Variants in RABGAP1L observed in about 807,000 individuals in gnomAD.
RABGAP1L encodes the protein rab GTPase-activating protein 1-like.
Under a neutral mutation model 137.7 loss-of-function variants are expected in RABGAP1L, and 63 were observed. The observed-to-expected ratio is 0.46, with a 90% confidence interval of 0.37 to 0.56. The LOEUF is 0.56. RABGAP1L is among the 20% of genes least tolerant of loss of function. The probability of loss-of-function intolerance (pLI) is 0.00; values close to 1 mark genes in which losing one functional copy is unlikely to be tolerated. For missense variants in RABGAP1L, 1,095 were observed against 1,244.0 expected (o/e 0.88, Z 1.80); for synonymous variants, 431 against 433.7 (o/e 0.99, Z 0.08).
At chr1:174,626,451 C>T (rs998734943) in intron 13 of RABGAP1L, among the ~76,000 whole-genome samples, 1 of 152,190 alleles carries the variant, frequency 6.6e-6, no homozygotes, top group Non-Finnish European at 1.5e-5. Flanking sequence ...CTCTACACGC[C>T]TCCCTTTAGT....
chr1:174,962,444 A>G (rs1669240061), intron 20 of RABGAP1L, among the ~76,000 whole-genome samples: 1 of 152,196 alleles, frequency 6.6e-6, no homozygotes, highest in African/African-American at 2.4e-5. Flanking sequence ...AATTTTTAAA[A>G]TCAAAATGTA....
chr1:174,826,847 A>G lies in RABGAP1L; in HGVS notation c.2340+14887A>G, dbSNP rs181275221. The stretch of plus-strand genomic sequence containing the variant: ...AACAAAAGCCATTCTGACTGGTGTG[A>G]CATGGTATCTCATTGTGGTTTTGAT... On this transcript the variant is annotated intron_variant, in intron 19 of 25. Transcript: ENST00000681986. Among the ~76,000 whole-genome samples the G allele has an allele frequency of 2.0e-5, 3 of 152,282 alleles. No homozygotes were observed. The East Asian group carries it at 5.8e-4, about 29-fold the overall frequency.
chr1:174,971,381 A>C (rs530513298), intron 21 of RABGAP1L, among the ~76,000 whole-genome samples: 16 of 152,192 alleles, frequency 1.1e-4, no homozygotes, highest in African/African-American at 3.6e-4. Context: ...CTGCCATTAT[A>C]GGTATTCCTG....
At chr1:174,780,116 A>AAATAAATAAATTAATT (rs1489806665) in intron 18 of RABGAP1L, among the ~76,000 whole-genome samples, 1 of 145,836 alleles carries the variant, frequency 6.9e-6, no homozygotes, top group African/African-American at 2.6e-5. Context: ...ATAAATAAAT[A>AAATAAATAAATTAATT]AATTAAATAA....
chr1:174,964,823 G>A (rs922279691), intron 20 of RABGAP1L: 19 of 1,396,964 alleles, frequency 1.4e-5, no homozygotes, highest in Non-Finnish European at 1.8e-5. Context: ...AGAGTTATAT[G>A]ACACTCAAAG....
At position 174,291,722 on chromosome 1, in the gene RABGAP1L, G is replaced by A. The variant is rs1000629555; in HGVS notation, c.1323+12943G>A. Among the ~76,000 whole-genome samples the A allele has an allele frequency of 3.3e-5, 5 of 151,758 alleles. No individual in the cohort carries two copies. In the South Asian group the frequency reaches 1.0e-3, roughly 32 times the overall value. ...TTCAAGGAATGTTTCAATTTTATTT[G>A]GTCTATTGCACAAAATATTGACCTA... On this transcript the variant is annotated intron_variant, in intron 10 of 25. Coordinates refer to ENST00000681986, the MANE Select transcript of RABGAP1L (RefSeq NM_001366446.1).
intron 18 of RABGAP1L, among the ~76,000 whole-genome samples, chr1:174,771,387 TC>T (rs1459663385): frequency 1.3e-5 from 2 of 152,188 alleles, no homozygotes; most frequent in Non-Finnish European, 2.9e-5. Context: ...ACCATTTCAG[TC>T]CTTTAATGAG....
intron 13 of RABGAP1L, among the ~76,000 whole-genome samples, chr1:174,526,635 A>G (rs1663897887): frequency 6.6e-6 from 1 of 152,046 alleles, no homozygotes; most frequent in Non-Finnish European, 1.5e-5. Flanking sequence ...GTTATTTATA[A>G]TAGTCTATTA....
intron 13 of RABGAP1L, among the ~76,000 whole-genome samples, chr1:174,547,331 G>A (rs953149487): frequency 4.6e-5 from 7 of 152,012 alleles, no homozygotes; most frequent in African/African-American, 1.7e-4. Flanking sequence ...AAAAGAGCAA[G>A]TAAGCCTGGG....
intron 14 of RABGAP1L, among the ~76,000 whole-genome samples, chr1:174,650,577 C>G (rs898506021): frequency 9.4e-5 from 14 of 148,252 alleles, no homozygotes; most frequent in African/African-American, 2.3e-4. Flanking sequence ...GTGTACGTGT[C>G]GAGGAATTTA....
intron 13 of RABGAP1L, chr1:174,548,004 G>A (rs774837375): frequency 1.3e-6 from 2 of 1,550,476 alleles, no homozygotes; most frequent in Non-Finnish European, 1.7e-6. Flanking sequence ...AGCCTGAATT[G>A]TACAAATATG....
rs867079686 is a variant in RABGAP1L at position 174,350,893 on chromosome 1, G to A, written c.1466-20086G>A. Among the ~76,000 whole-genome samples, 462 of 101,032 alleles carry A rather than the reference G, an allele frequency of 4.6e-3. 5 individuals are homozygous for A. The highest frequency in any genetic ancestry group is 0.017 in the African/African-American group (409 of 23,946). The allele number at this position is 101,032 out of a possible 152,430, so 66.3% of individuals were successfully genotyped here. On this transcript the variant is annotated intron_variant, in intron 11 of 25. Transcript: ENST00000681986. Reference sequence around the variant, plus strand: ...CACTCGCGGTTAGGGGCTGGAGACCGGCCCGGCCAACACAGCGAAACCCCG... The same window carrying A: ...CACTCGCGGTTAGGGGCTGGAGACCAGCCCGGCCAACACAGCGAAACCCCG...
intron 19 of RABGAP1L, among the ~76,000 whole-genome samples, chr1:174,886,035 C>CA (rs1655060031): frequency 7.7e-6 from 1 of 129,592 alleles, no homozygotes; most frequent in Non-Finnish European, 1.6e-5. Context: ...TTTTTTGAGA[C>CA]AGAGTTTTGC....
rs540151476 is a variant in RABGAP1L at position 174,580,772 on chromosome 1, A to C, written c.1711-56603A>C. ...TTGTGCACATATACCCTAAAACTTAAAGTATAGTAAAAAAAAAGATTGAGT... is the reference window on the plus strand; with the variant it reads ...TTGTGCACATATACCCTAAAACTTACAGTATAGTAAAAAAAAAGATTGAGT... On this transcript the variant is annotated intron_variant, in intron 13 of 25. Transcript: ENST00000681986. Among the ~76,000 whole-genome samples, 12 of 151,882 alleles carry C rather than the reference A, an allele frequency of 7.9e-5. 1 individual carries two copies. In the South Asian group the frequency reaches 2.5e-3, roughly 32 times the overall value.
chr1:174,555,821 A>G (rs1666842078), intron 13 of RABGAP1L, among the ~76,000 whole-genome samples: 1 of 152,088 alleles, frequency 6.6e-6, no homozygotes, highest in South Asian at 2.1e-4. Flanking sequence ...GGGAAAGAAT[A>G]TGTCTCCTAT....
At position 174,819,187 on chromosome 1, in the gene RABGAP1L, T is replaced by TAAAAAAAAAAAA. The variant is rs71299431; in HGVS notation, c.2340+7242_2340+7253dup. On this transcript the variant is annotated intron_variant, in intron 19 of 25. Transcript: ENST00000681986. ...GACAGAGCAAGACTCTGCCTGTCTC[T>TAAAAAAAAAAAA]AAAAAAAAAAAAAAAAAAAAAAAAA... Among the ~76,000 whole-genome samples the TAAAAAAAAAAAA allele has an allele frequency of 4.9e-4, 22 of 44,874 alleles. 1 individual carries two copies. Among genetic ancestry groups the TAAAAAAAAAAAA allele is most frequent in the Admixed American group, 1.7e-3 (5 of 2,924 alleles). The allele number at this position is 44,874 out of a possible 152,430, so 29.4% of individuals were successfully genotyped here. A position where few individuals can be genotyped will look rare whatever the true frequency, so the allele number is the denominator to read the frequency against.
At chr1:174,827,422 G>GCTGTCTCTGTGTGTTC (rs1553258824) in intron 19 of RABGAP1L, among the ~76,000 whole-genome samples, 7 of 149,476 alleles carry the variant, frequency 4.7e-5, no homozygotes, top group East Asian at 2.1e-4. Context: ...ACAGATACTG[G>GCTGTCTCTGTGTGTTC]AGGTACTGGG....
intron 19 of RABGAP1L, among the ~76,000 whole-genome samples, chr1:174,905,600 C>T (rs1658913820): frequency 6.6e-6 from 1 of 152,112 alleles, no homozygotes; most frequent in South Asian, 2.1e-4. Flanking sequence ...CCTGTAATCC[C>T]AGCACTTTAG....
chr1:174,241,612 G>A lies in RABGAP1L; in HGVS notation c.672G>A (p.Ser224=), dbSNP rs144504710. The part of the protein sequence containing the change: ...CFAFTESSHG[S]EEFQIHVFSC... Reference sequence around the variant, plus strand: ...CATTTACAGAGAGTTCCCATGGTTCGGAAGAATTTCAGATACATGTTTTCT... The same window carrying A: ...CATTTACAGAGAGTTCCCATGGTTCAGAAGAATTTCAGATACATGTTTTCT... The change falls in exon 5 of 26, where the codon TCG becomes TCA. Residue 224 remains serine, a synonymous_variant. Coordinates refer to ENST00000681986, the MANE Select transcript of RABGAP1L (RefSeq NM_001366446.1). The A allele has an allele frequency of 4.5e-4, 731 of 1,613,704 alleles. 1 individual carries two copies. The highest frequency in any genetic ancestry group is 5.9e-4 in the Non-Finnish European group (691 of 1,179,854).
Sources: allele counts gnomAD v4.1 joint callset (sites outside exome capture counted in the v4.1 genomes callset), GRCh38; gene constraint gnomAD v4.1.1; transcripts MANE v1.5; gene names NCBI Gene and HGNC (gene_info 2026-07-23, HGNC 2026-07-21).